The following DOCK8 variants were observed in gnomAD, a reference collection of about 807,000 sequenced individuals.
The protein encoded by DOCK8 is dedicator of cytokinesis 8, also known as dedicator of cytokinesis protein 8.
DOCK8 carries 141 observed loss-of-function variants against 245.6 expected under a neutral mutation model. That is an observed-to-expected ratio of 0.57 (90% confidence interval 0.50 to 0.66). The LOEUF (loss-of-function observed/expected upper bound fraction) is 0.66. Among genes scored for constraint, DOCK8 ranks in the 30% least tolerant of loss-of-function variants. The probability of loss-of-function intolerance (pLI) is 0.00; values close to 1 mark genes in which losing one functional copy is unlikely to be tolerated. For synonymous variants in DOCK8, 1,168 were observed against 970.2 expected (o/e 1.20, Z -3.79); for missense variants, 2,965 against 2,603.4 (o/e 1.14, Z -3.02).
At chr9:413,641 C>G (rs1215245332) in intron 28 of DOCK8, among the ~76,000 whole-genome samples, 1 of 152,084 alleles carries the variant, frequency 6.6e-6, no homozygotes, top group African/African-American at 2.4e-5. Flanking sequence ...AGCCATAAGA[C>G]CATGAAGATG....
chr9:399,982 C>G (rs1178185286), intron 26 of DOCK8, among the ~76,000 whole-genome samples: 2 of 141,074 alleles, frequency 1.4e-5, no homozygotes, highest in Non-Finnish European at 3.0e-5. Flanking sequence ...TCCACCATCA[C>G]CACCTCCCAC....
chr9:389,887 T>A (rs1295885121), intron 23 of DOCK8, among the ~76,000 whole-genome samples: 1 of 151,892 alleles, frequency 6.6e-6, no homozygotes, highest in African/African-American at 2.4e-5. Context: ...TAGCTGGGCT[T>A]GGTGGTGCAC....
chr9:257,804 A>C (rs2047816064), intron 1 of DOCK8, among the ~76,000 whole-genome samples: 1 of 152,172 alleles, frequency 6.6e-6, no homozygotes, highest in Admixed American at 6.5e-5. Flanking sequence ...GGCGTGAGCC[A>C]CCGCGCCCAG....
chr9:226,973 T>C (rs1424925616), intron 1 of DOCK8, among the ~76,000 whole-genome samples: 1 of 152,134 alleles, frequency 6.6e-6, no homozygotes, highest in East Asian at 1.9e-4. Flanking sequence ...AAAATAAATA[T>C]ATGCATAACT....
chr9:413,046 C>T (rs1050250148), intron 28 of DOCK8, among the ~76,000 whole-genome samples: 1 of 152,084 alleles, frequency 6.6e-6, no homozygotes, highest in Non-Finnish European at 1.5e-5. Flanking sequence ...CTATGGGGTT[C>T]TGACATATGA....
intron 14 of DOCK8, among the ~76,000 whole-genome samples, chr9:346,651 GC>G (rs2130980305): frequency 6.6e-6 from 1 of 152,190 alleles, no homozygotes; most frequent in East Asian, 1.9e-4. Context: ...TGGATAATTA[GC>G]TGTTTTCAGG....
chr9:231,070 C>A (rs373874127), intron 1 of DOCK8, among the ~76,000 whole-genome samples: 11 of 151,810 alleles, frequency 7.2e-5, no homozygotes, highest in Non-Finnish European at 1.2e-4. Flanking sequence ...TCTTGAATTA[C>A]TTTTTGTATA....
intron 14 of DOCK8, among the ~76,000 whole-genome samples, chr9:364,746 G>A (rs1167118542): frequency 2.0e-5 from 3 of 152,040 alleles, no homozygotes; most frequent in East Asian, 1.9e-4. Context: ...TATAGTGGGT[G>A]GTTGCTATTC....
At chr9:382,065 C>G (rs11793255) in intron 21 of DOCK8, among the ~76,000 whole-genome samples, 1 of 152,048 alleles carries the variant, frequency 6.6e-6, no homozygotes, top group Non-Finnish European at 1.5e-5. Context: ...CATCATATAC[C>G]GTAATCCTCA....
chr9:214,912 C>A lies in DOCK8; in HGVS notation c.-65C>A. 1 of 1,603,806 alleles carries A rather than the reference C, an allele frequency of 6.2e-7. No individual in the cohort carries two copies. ...CTGGGCATGTTCCGCGGCTACTCTG[C>A]GGCGCGCCAGGCCCCCGCTTTCCGC... On this transcript the variant is annotated 5_prime_UTR_variant, in exon 1 of 48. Transcript: ENST00000432829.
At chr9:262,779 T>G (rs559750775) in intron 1 of DOCK8, among the ~76,000 whole-genome samples, 1 of 152,200 alleles carries the variant, frequency 6.6e-6, no homozygotes, top group Non-Finnish European at 1.5e-5. Context: ...TTTAAATATG[T>G]GCAGTTCATT....
At chr9:413,967 C>A (rs1408193221) in intron 28 of DOCK8, among the ~76,000 whole-genome samples, 1 of 152,086 alleles carries the variant, frequency 6.6e-6, no homozygotes, top group Non-Finnish European at 1.5e-5. Flanking sequence ...GATGGTGAAA[C>A]CCTGTCTCTA....
At chr9:337,051 A>G (rs551137102) in intron 12 of DOCK8, among the ~76,000 whole-genome samples, 1 of 152,126 alleles carries the variant, frequency 6.6e-6, no homozygotes, top group Non-Finnish European at 1.5e-5. Context: ...TCCTGTTCTT[A>G]TAAAGCCACC....
In DOCK8 at chr9:414,964, C is replaced by T. The variant is rs1224865800; in HGVS notation, c.3700+13C>T. The T allele has an allele frequency of 6.2e-7, 1 of 1,612,774 alleles. No individual in the cohort carries two copies. The highest frequency in any genetic ancestry group is 2.2e-5 in the East Asian group (1 of 44,878). ...TGTGACTTTACAGGTAATGGCCCTT[C>T]TGTTTTCTTTCTTGGATTGTTGGGG... On this transcript the variant is annotated intron_variant, in intron 29 of 47. Coordinates refer to ENST00000432829, the MANE Select transcript of DOCK8 (RefSeq NM_203447.4).
intron 22 of DOCK8, among the ~76,000 whole-genome samples, chr9:383,603 G>A (rs1393708565): frequency 6.7e-6 from 1 of 150,204 alleles, no homozygotes; most frequent in East Asian, 2.0e-4. Flanking sequence ...AGGAGGCTGA[G>A]GCAGGAGAAT....
chr9:443,619 T>A, intron 43 of DOCK8, 103 bp downstream of exon 43: 1 of 916,866 alleles, frequency 1.1e-6, no homozygotes, highest in Non-Finnish European at 1.7e-6. Context: ...CCAAGTCACT[T>A]AAATGCAGTC....
At chr9:287,000 G>A (rs1002226096) in intron 3 of DOCK8, among the ~76,000 whole-genome samples, 19 of 152,138 alleles carry the variant, frequency 1.2e-4, no homozygotes, top group Non-Finnish European at 4.4e-5. Flanking sequence ...TTGTAAAAAT[G>A]TCAAGATTTT....
At chr9:267,861 A>T (rs868427184) in intron 1 of DOCK8, 1 of 152,188 alleles carries the variant, frequency 6.6e-6, no homozygotes, top group African/African-American at 2.4e-5. Context: ...CAGAATTCTT[A>T]TGTTCATTTC....
At chr9:283,410 T>G (rs936672311) in intron 2 of DOCK8, among the ~76,000 whole-genome samples, 1 of 152,202 alleles carries the variant, frequency 6.6e-6, no homozygotes, top group Non-Finnish European at 1.5e-5. Context: ...TTTTTTTTAT[T>G]TGTATAAGTT....
Sources: gnomAD v4.1 joint callset for allele counts (sites outside exome capture counted in the v4.1 genomes callset) on GRCh38, gnomAD v4.1.1 for gene constraint, MANE v1.5 for transcripts, NCBI Gene and HGNC (gene_info 2026-07-23, HGNC 2026-07-21) for gene names.